The following MTCL2 variants were observed in gnomAD, a reference collection of about 807,000 sequenced individuals.
The protein encoded by MTCL2 is microtubule cross-linking factor 2.
chr20:36,809,685 C>T, the MTCL2 span, among the ~76,000 whole-genome samples: 4 of 150,634 alleles, frequency 2.7e-5, no homozygotes, highest in East Asian at 7.9e-4. Context: ...AAGCGGTTCT[C>T]TTGCCTCAGC....
the MTCL2 span, among the ~76,000 whole-genome samples, chr20:36,789,004 C>T: frequency 6.6e-6 from 1 of 152,016 alleles, no homozygotes; most frequent in Non-Finnish European, 1.5e-5. Flanking sequence ...TGGGGTTTCT[C>T]GGCATTGGTC....
At chr20:36,851,217 ATATAT>A in the MTCL2 span, among the ~76,000 whole-genome samples, 1 of 152,128 alleles carries the variant, frequency 6.6e-6, no homozygotes, top group Non-Finnish European at 1.5e-5. Flanking sequence ...TATTTGTACA[ATATAT>A]TATACAGTAT....
At chr20:36,807,865 C>CTTTTTTTTT in the MTCL2 span, among the ~76,000 whole-genome samples, 3 of 53,540 alleles carry the variant, frequency 5.6e-5, 1 homozygote, top group Non-Finnish European at 1.1e-4. Context: ...GAAACCCTGT[C>CTTTTTTTTT]TTTTTTTTTT....
the MTCL2 span, among the ~76,000 whole-genome samples, chr20:36,795,869 C>T: frequency 3.2e-4 from 49 of 152,122 alleles, no homozygotes; most frequent in African/African-American, 1.2e-3. Context: ...TAAACACAGC[C>T]CTCAACAAAC....
the MTCL2 span, among the ~76,000 whole-genome samples, chr20:36,858,204 C>A: frequency 1.4e-4 from 21 of 152,214 alleles, no homozygotes; most frequent in Admixed American, 2.6e-4. Context: ...ATTTACTGAT[C>A]TGTAAAATGG....
At chr20:36,852,069 G>A in the MTCL2 span, among the ~76,000 whole-genome samples, 20 of 152,152 alleles carry the variant, frequency 1.3e-4, no homozygotes, top group Non-Finnish European at 2.2e-4. Flanking sequence ...CTCCTCCCCA[G>A]GTTCCAGGGG....
chr20:36,791,567 T>G, the MTCL2 span, among the ~76,000 whole-genome samples: 1 of 152,202 alleles, frequency 6.6e-6, no homozygotes, highest in African/African-American at 2.4e-5. Flanking sequence ...GCAGACCACA[T>G]GGTACCACTC....
the MTCL2 span, among the ~76,000 whole-genome samples, chr20:36,787,612 G>T: frequency 6.6e-6 from 1 of 152,192 alleles, no homozygotes; most frequent in Admixed American, 6.5e-5. Context: ...CTGCTGCCAG[G>T]CACGGTGGCT....
chr20:36,812,528 T>C, the MTCL2 span, among the ~76,000 whole-genome samples: 7 of 152,350 alleles, frequency 4.6e-5, no homozygotes. Flanking sequence ...GCCATGAGAA[T>C]GTCCCAAACT....
At chr20:36,834,994 TAAAAAA>T in the MTCL2 span, among the ~76,000 whole-genome samples, 1 of 145,594 alleles carries the variant, frequency 6.9e-6, no homozygotes, top group Non-Finnish European at 1.5e-5. Flanking sequence ...GACCCTGCCT[TAAAAAA>T]AAAAAGAAAA....
the MTCL2 span, chr20:36,862,560 T>G: frequency 3.4e-6 from 4 of 1,174,890 alleles, no homozygotes; most frequent in Non-Finnish European, 3.3e-6. Flanking sequence ...TTTCTCCGGA[T>G]TGTTCAGTGG....
chr20:36,818,141 C>T, the MTCL2 span, among the ~76,000 whole-genome samples: 1 of 152,240 alleles, frequency 6.6e-6, no homozygotes, highest in Non-Finnish European at 1.5e-5. Context: ...CCAGCTCTGC[C>T]TCACTCCCTG....
chr20:36,809,606 C>T, the MTCL2 span, among the ~76,000 whole-genome samples: 4 of 137,706 alleles, frequency 2.9e-5, no homozygotes, highest in Admixed American at 7.6e-5. Flanking sequence ...TTTTAGATAT[C>T]ACTCTGTCAC....
chr20:36,831,760 A>C, the MTCL2 span, among the ~76,000 whole-genome samples: 2 of 152,198 alleles, frequency 1.3e-5, no homozygotes, highest in Non-Finnish European at 2.9e-5. Context: ...ACAACCCCTC[A>C]GTATCAGAAC....
At chr20:36,786,575 A>G in the MTCL2 span, 62 of 1,551,146 alleles carry the variant, frequency 4.0e-5, no homozygotes, top group African/African-American at 7.5e-4. Flanking sequence ...GGCGGATGGC[A>G]GAGCGGGACG....
At chr20:36,793,285 G>A in the MTCL2 span, 2 of 1,551,830 alleles carry the variant, frequency 1.3e-6, no homozygotes, top group South Asian at 1.2e-5. This position sits in a 1 kb window ranked among gnomAD's most constrained non-coding sequence, Gnocchi z 6.8. Context: ...CTCCGTCCCG[G>A]AGGACACCAT....
chr20:36,859,680 T>A, the MTCL2 span: 1 of 1,231,576 alleles, frequency 8.1e-7, no homozygotes. Flanking sequence ...GAGATCACAG[T>A]CCTTCGCAGT....
At chr20:36,809,977 C>T in the MTCL2 span, 112 of 1,598,286 alleles carry the variant, frequency 7.0e-5, no homozygotes, top group Middle Eastern at 3.3e-4. Flanking sequence ...CTGGGCACCA[C>T]GCACCTGGAC....
the MTCL2 span, among the ~76,000 whole-genome samples, chr20:36,806,178 G>T: frequency 6.6e-6 from 1 of 152,176 alleles, no homozygotes. Flanking sequence ...TGGTTGAAAT[G>T]AAAAGGCCAC....
Sources: gnomAD v4.1 joint callset for allele counts (sites outside exome capture counted in the v4.1 genomes callset) on GRCh38, gnomAD v4.1.1 for gene constraint, Gnocchi (gnomAD v3.1) non-coding constraint, MANE v1.5 for transcripts, NCBI Gene and HGNC (gene_info 2026-07-23, HGNC 2026-07-21) for gene names.